The following DNMT3A variants were observed in gnomAD, a reference collection of about 807,000 sequenced individuals.
DNMT3A encodes DNA methyltransferase 3 alpha.
In DNMT3A, 267 loss-of-function variants were observed where a neutral mutation model predicts 117.6. The observed-to-expected ratio is 2.27, with a 90% CI of 2.05 to 2.51. The LOEUF is 2.51. Ranked by LOEUF, DNMT3A falls within the 30% of genes most tolerant of loss-of-function variation. The pLI, the probability that DNMT3A is intolerant of heterozygous loss-of-function variation, is 0.00. For missense variants in DNMT3A, 1,029 were observed against 1,260.2 expected (o/e 0.82, Z 2.78); for synonymous variants, 432 against 474.8 (o/e 0.91, Z 1.17).
intron 6 of DNMT3A, among the ~76,000 whole-genome samples, chr2:25,256,022 C>A (rs1286423959): frequency 6.6e-6 from 1 of 152,156 alleles, no homozygotes. Flanking sequence ...AGGACATTTA[C>A]CATGCGAGTC....
At chr2:25,235,246 G>A (rs575669233) in intron 22 of DNMT3A, among the ~76,000 whole-genome samples, 49 of 151,364 alleles carry the variant, frequency 3.2e-4, no homozygotes, top group African/African-American at 1.0e-3. Context: ...GCACAGTGGC[G>A]CAATCTCGGC....
chr2:25,340,583 G>A (rs2035382621), intron 1 of DNMT3A, among the ~76,000 whole-genome samples: 1 of 152,070 alleles, frequency 6.6e-6, no homozygotes, highest in Non-Finnish European at 1.5e-5. Context: ...GACAGCCGCC[G>A]CCTGCGGCTC....
chr2:25,283,732 C>G lies in DNMT3A; in HGVS notation c.178-1021G>C, dbSNP rs2032072556. On this transcript the variant is annotated intron_variant, in intron 3 of 22. Coordinates refer to ENST00000321117, the MANE Select transcript of DNMT3A (RefSeq NM_022552.5). ...CCTTCAAGGGAAATCATTTCTTTAT[C>G]CCCTAGAGTCTAAGAACTGAACTCG... is the stretch of plus-strand genomic sequence containing the variant. Among the ~76,000 whole-genome samples, 3 of 152,216 alleles carry G rather than the reference C, an allele frequency of 2.0e-5. No homozygotes were observed. The South Asian group carries it at 6.2e-4, about 31-fold the overall frequency.
intron 1 of DNMT3A, among the ~76,000 whole-genome samples, chr2:25,331,327 C>A (rs913776558): frequency 1.3e-5 from 2 of 152,242 alleles, no homozygotes; most frequent in African/African-American, 4.8e-5. Context: ...TGGAAATAGC[C>A]TTCCACATTA....
chr2:25,292,975 G>A (rs1421278504), intron 3 of DNMT3A, among the ~76,000 whole-genome samples: 3 of 151,786 alleles, frequency 2.0e-5, no homozygotes, highest in African/African-American at 7.3e-5. Flanking sequence ...GCCCTGGGAT[G>A]TGGAGAGATG....
chr2:25,275,281 GC>G, intron 5 of DNMT3A, among the ~76,000 whole-genome samples, 194 bp from the exon 6 acceptor site: 1 of 152,204 alleles, frequency 6.6e-6, no homozygotes, highest in Admixed American at 6.5e-5. Context: ...CATGGACACG[GC>G]CACAGGCCAC....
Position 25,282,033 on chromosome 2 carries a change from G to A in DNMT3A, c.448+408C>T. The A allele has an allele frequency of 8.7e-7, 1 of 1,150,592 alleles. No individual in the cohort carries two copies. Among genetic ancestry groups the A allele is most frequent in the Non-Finnish European group, 1.1e-6 (1 of 930,988 alleles). 71.3% of individuals were successfully genotyped at this position (1,150,592 alleles called of 1,614,324 possible). A position where few individuals can be genotyped will look rare whatever the true frequency, so the allele number is the denominator to read the frequency against. ...TGCATGGCACGTGGGAGAGTAAGCAGGCCAGGTAGAGCTGCAGAAAACTAA... is the reference window on the plus strand; with the variant it reads ...TGCATGGCACGTGGGAGAGTAAGCAAGCCAGGTAGAGCTGCAGAAAACTAA... On this transcript the variant is annotated intron_variant, in intron 4 of 22. Coordinates refer to ENST00000321117, the MANE Select transcript of DNMT3A (RefSeq NM_022552.5). This position sits in a 1 kb window ranked among gnomAD's most constrained non-coding sequence, Gnocchi z 5.2.
In DNMT3A at chr2:25,237,061, C is replaced by T; in HGVS notation, c.2409-56G>A. On this transcript the variant is annotated intron_variant, in intron 20 of 22. Transcript: ENST00000321117. This position sits in a 1 kb window ranked among gnomAD's most constrained non-coding sequence, Gnocchi z 5.4. Reference sequence around the variant, plus strand: ...GAAACCTGGATAACAGCGGGAAGGGCCCCAGCTGCACGACTCCCCTCCCTC... The same window carrying T: ...GAAACCTGGATAACAGCGGGAAGGGTCCCAGCTGCACGACTCCCCTCCCTC... The T allele has an allele frequency of 6.3e-7, 1 of 1,580,586 alleles. No homozygotes were observed. Among genetic ancestry groups the T allele is most frequent in the East Asian group, 2.2e-5 (1 of 44,490 alleles).
chr2:25,275,110 A>T, intron 5 of DNMT3A, 23 bp from the exon 6 acceptor site: 1 of 1,546,240 alleles, frequency 6.5e-7, no homozygotes. Context: ...GACAGACATT[A>T]GGGCATTAGG....
chr2:25,246,428 C>T (rs768484021), intron 10 of DNMT3A, 119 bp from the exon 11 acceptor site: 65 of 1,450,568 alleles, frequency 4.5e-5, no homozygotes, highest in Non-Finnish European at 5.8e-5. Context: ...CACCTCCCAA[C>T]TCTACGGTTC....
intron 20 of DNMT3A, 29 bp downstream of exon 20, chr2:25,239,101 G>A (rs372962849): frequency 3.1e-5 from 50 of 1,607,344 alleles, no homozygotes; most frequent in Non-Finnish European, 3.7e-5. Context: ...CCAGCCCACA[G>A]CCCCCCAGGC....
In DNMT3A at chr2:25,337,962, G is replaced by C. The variant is rs2149453741; in HGVS notation, c.-178+3864C>G. On this transcript the variant is annotated intron_variant, in intron 1 of 22. Coordinates refer to ENST00000321117, the MANE Select transcript of DNMT3A (RefSeq NM_022552.5). This position sits in a 1 kb window ranked among gnomAD's most constrained non-coding sequence, Gnocchi z 5.0. Reference sequence around the variant, plus strand: ...CTCACATACTAATATTCAAACAAAAGTAGAAGCTATTCCCCGAGGGCCGCA... The same window carrying C: ...CTCACATACTAATATTCAAACAAAACTAGAAGCTATTCCCCGAGGGCCGCA... Among the ~76,000 whole-genome samples the C allele has an allele frequency of 6.6e-6, 1 of 152,302 alleles. No homozygotes were observed. Among genetic ancestry groups the C allele is most frequent in the East Asian group, 1.9e-4 (1 of 5,180 alleles).
At chr2:25,259,856 T>G (rs1676458786) in intron 6 of DNMT3A, among the ~76,000 whole-genome samples, 1 of 152,208 alleles carries the variant, frequency 6.6e-6, no homozygotes, top group Admixed American at 6.5e-5. Flanking sequence ...AGACAGGCAC[T>G]GCGGTAACTA....
intron 2 of DNMT3A, among the ~76,000 whole-genome samples, chr2:25,302,194 TAG>T (rs1423070177): frequency 6.6e-6 from 1 of 151,722 alleles, no homozygotes; most frequent in Non-Finnish European, 1.5e-5. Context: ...ACACAGGAGA[TAG>T]AGAGAGAATG....
chr2:25,237,386 T>C lies in DNMT3A; in HGVS notation c.2409-381A>G, dbSNP rs1673487804. ...GCAAGCTTTGGGGGTGACAATGTTC[T>C]GTATCTTGATTTGTGGTGATTGTTA... On this transcript the variant is annotated intron_variant, in intron 20 of 22. Coordinates refer to ENST00000321117, the MANE Select transcript of DNMT3A (RefSeq NM_022552.5). This position sits in a 1 kb window ranked among gnomAD's most constrained non-coding sequence, Gnocchi z 5.4. Among the ~76,000 whole-genome samples, 1 of 152,240 alleles carries C rather than the reference T, an allele frequency of 6.6e-6. No individual in the cohort carries two copies. The highest frequency in any genetic ancestry group is 2.4e-5 in the African/African-American group (1 of 41,466).
At position 25,229,976 on chromosome 2, in the gene DNMT3A, C is replaced by T. The variant is rs1236024657; in HGVS notation, c.*4303G>A. On this transcript the variant is annotated 3_prime_UTR_variant, in exon 23 of 23. Transcript: ENST00000321117. ...AAGGGGAGCTGGGCCCTGTGAGACC[C>T]CTTTGGTGTCAGCCTTCCTTCCTGC... 1.3e-5 allele frequency: 2 copies of T among 152,234 alleles called. No individual in the cohort carries two copies. The highest frequency in any genetic ancestry group is 2.1e-4 in the South Asian group (1 of 4,832). 9.4% of individuals were successfully genotyped at this position (152,234 alleles called of 1,614,324 possible). A position where few individuals can be genotyped will look rare whatever the true frequency, so the allele number is the denominator to read the frequency against.
At chr2:25,314,774 C>A in intron 1 of DNMT3A, 2 of 916,120 alleles carry the variant, frequency 2.2e-6, no homozygotes, top group Non-Finnish European at 1.3e-6. Context: ...GCCACGGCCA[C>A]ACTGAGGCAG....
At chr2:25,329,916 G>C (rs756636398) in intron 1 of DNMT3A, among the ~76,000 whole-genome samples, 3 of 152,210 alleles carry the variant, frequency 2.0e-5, no homozygotes, top group Non-Finnish European at 4.4e-5. Context: ...ATGGGCCAAA[G>C]AGGCATTTGG....
rs1469685698 is a variant in DNMT3A at position 25,322,150 on chromosome 2, T to A, written c.-177-7989A>T. On this transcript the variant is annotated intron_variant, in intron 1 of 22. Transcript: ENST00000321117. The stretch of plus-strand genomic sequence containing the variant: ...AGGGTAGGAGTAGGCAAGGAATCAC[T>A]GCATTTTGTTAGGAGGTTTTAGTAC... 2.6e-5 allele frequency among the ~76,000 whole-genome samples: 4 copies of A among 152,322 alleles called. No homozygotes were observed. The East Asian group carries it at 5.8e-4, about 22-fold the overall frequency.
Sources: allele counts gnomAD v4.1 joint callset (sites outside exome capture counted in the v4.1 genomes callset), GRCh38; gene constraint gnomAD v4.1.1; non-coding constraint Gnocchi (gnomAD v3.1); transcripts MANE v1.5; gene names NCBI Gene and HGNC (gene_info 2026-07-23, HGNC 2026-07-21).